Variants in FGF12 observed in about 807,000 individuals in gnomAD.
FGF12 encodes fibroblast growth factor 12B.
A neutral mutation model predicts 23.6 loss-of-function variants in FGF12; 14 were observed. The observed-to-expected ratio is 0.59, with a 90% confidence interval of 0.39 to 0.93. FGF12 has a LOEUF of 0.93. Among genes scored for constraint, FGF12 ranks in the 40% least tolerant of loss-of-function variants. The probability of loss-of-function intolerance (pLI) is 0.00; values close to 1 mark genes in which losing one functional copy is unlikely to be tolerated. For synonymous variants in FGF12, 62 were observed against 77.3 expected (o/e 0.80, Z 1.04); for missense variants, 175 against 217.8 (o/e 0.80, Z 1.24).
intron 4 of FGF12, among the ~76,000 whole-genome samples, chr3:192,196,858 A>AT (rs371298121): frequency 0.016 from 2,420 of 149,166 alleles, 70 homozygotes; most frequent in African/African-American, 0.056. Flanking sequence ...AAAGACAAGT[A>AT]TTTTTTTTTT....
chr3:192,378,026 T>TTTTCTTTCTTTC (rs202170804), intron 2 of FGF12, among the ~76,000 whole-genome samples: 2,129 of 69,182 alleles, frequency 0.031, 93 homozygotes, highest in Middle Eastern at 0.063. Context: ...TGACTCTTTC[T>TTTTCTTTCTTTC]TTTCTTTCTT....
chr3:192,711,615 G>A (rs1718683626), intron 2 of FGF12, among the ~76,000 whole-genome samples: 1 of 152,302 alleles, frequency 6.6e-6, no homozygotes, highest in Non-Finnish European at 1.5e-5. Context: ...AAATTCTTCT[G>A]CCTTGGGATG....
intron 2 of FGF12, among the ~76,000 whole-genome samples, chr3:192,579,867 G>T (rs1053956996): frequency 1.3e-5 from 2 of 152,238 alleles, no homozygotes; most frequent in South Asian, 4.1e-4. Flanking sequence ...ACTGCACCTG[G>T]CCCCACATGT....
intron 4 of FGF12, among the ~76,000 whole-genome samples, chr3:192,264,554 T>C (rs1279494880): frequency 6.6e-6 from 1 of 152,094 alleles, no homozygotes; most frequent in Non-Finnish European, 1.5e-5. Context: ...ATGATTTATT[T>C]TCTTATTTAG....
intron 2 of FGF12, among the ~76,000 whole-genome samples, chr3:192,472,013 G>T (rs1723187087): frequency 6.6e-6 from 1 of 152,078 alleles, no homozygotes; most frequent in African/African-American, 2.4e-5. Context: ...TATTAATTTT[G>T]TTTTTGTTGT....
chr3:192,263,054 ACT>A (rs1369184823), intron 4 of FGF12, among the ~76,000 whole-genome samples: 1 of 151,768 alleles, frequency 6.6e-6, no homozygotes, highest in Non-Finnish European at 1.5e-5. Context: ...TAGCATAAAC[ACT>A]CTGATTCTCT....
chr3:192,332,908 A>G (rs1338055850), intron 4 of FGF12, among the ~76,000 whole-genome samples: 1 of 152,128 alleles, frequency 6.6e-6, no homozygotes, highest in Non-Finnish European at 1.5e-5. Flanking sequence ...GTCAAAGTTA[A>G]CAGATGACTT....
intron 2 of FGF12, among the ~76,000 whole-genome samples, chr3:192,454,178 A>C (rs1172087920): frequency 6.6e-6 from 1 of 152,096 alleles, no homozygotes. Context: ...AGCTGGGACT[A>C]TAGGTGCGTG....
intron 2 of FGF12, among the ~76,000 whole-genome samples, chr3:192,549,873 C>T (rs1201053635): frequency 6.6e-6 from 1 of 152,122 alleles, no homozygotes; most frequent in Non-Finnish European, 1.5e-5. Flanking sequence ...ATTAGCATTC[C>T]TGGTATTCAG....
intron 2 of FGF12, among the ~76,000 whole-genome samples, chr3:192,606,019 GTATA>G (rs751953098): frequency 5.3e-5 from 8 of 152,152 alleles, no homozygotes; most frequent in Non-Finnish European, 1.2e-4. Context: ...CCATTACTGG[GTATA>G]TATTCAAAAG....
chr3:192,711,258 C>CCGTCCGGGAGGGAGGTGGG (rs1560202188), intron 2 of FGF12, among the ~76,000 whole-genome samples: 1 of 133,832 alleles, frequency 7.5e-6, no homozygotes, highest in East Asian at 2.4e-4. Flanking sequence ...AGCCCCTGCC[C>CCGTCCGGGAGGGAGGTGGG]GGCCAGCCGC....
At chr3:192,628,338 A>G (rs991073378) in intron 2 of FGF12, among the ~76,000 whole-genome samples, 2 of 148,888 alleles carry the variant, frequency 1.3e-5, no homozygotes, top group African/African-American at 4.9e-5. Context: ...GTGGGAATAC[A>G]CTTTTGTTTT....
At chr3:192,635,828 T>C (rs1715560312) in intron 2 of FGF12, among the ~76,000 whole-genome samples, 2 of 152,178 alleles carry the variant, frequency 1.3e-5, no homozygotes, top group African/African-American at 2.4e-5. Flanking sequence ...GGATAAGATG[T>C]AGAACTGATT....
At chr3:192,233,130 C>T (rs1421618285) in intron 4 of FGF12, among the ~76,000 whole-genome samples, 1 of 152,176 alleles carries the variant, frequency 6.6e-6, no homozygotes, top group East Asian at 1.9e-4. Flanking sequence ...AATCTCTGGG[C>T]TGCTTCCCAC....
At chr3:192,543,443 C>T (rs1458498028) in intron 2 of FGF12, among the ~76,000 whole-genome samples, 4 of 152,076 alleles carry the variant, frequency 2.6e-5, no homozygotes, top group Non-Finnish European at 4.4e-5. Flanking sequence ...TCCAGAAATG[C>T]CATTCAAGAA....
rs71635379 is a variant in FGF12 at position 192,170,675 on chromosome 3, A to AGAC, written c.229-20_229-19insGTC. On this transcript the variant is annotated intron_variant, in intron 4 of 5. Transcript: ENST00000445105. ...AAACATCCTGTAGGAAAAAAAAAAAAAGACACAAAAAAGAGAAATGATTTA... is the reference window on the plus strand; with the variant it reads ...AAACATCCTGTAGGAAAAAAAAAAAAGACAGACACAAAAAAGAGAAATGATTTA... 5 of 1,492,166 alleles carry AGAC rather than the reference A, an allele frequency of 3.4e-6. No individual in the cohort carries two copies. The African/African-American group carries it at 7.2e-5, about 22-fold the overall frequency. The allele number at this position is 1,492,166 out of a possible 1,614,324, so 92.4% of individuals were successfully genotyped here.
chr3:192,176,627 A>T (rs2108627607), intron 4 of FGF12, among the ~76,000 whole-genome samples: 1 of 152,348 alleles, frequency 6.6e-6, no homozygotes, highest in South Asian at 2.1e-4. Flanking sequence ...TTTCTATTAC[A>T]TTAAACTGGG....
At chr3:192,357,573 C>CA (rs1281701678) in intron 3 of FGF12, among the ~76,000 whole-genome samples, 3,179 of 141,720 alleles carry the variant, frequency 0.022, 107 homozygotes, top group African/African-American at 0.074. Flanking sequence ...GATTCCGTCT[C>CA]AAAAAAAAAA....
intron 2 of FGF12, among the ~76,000 whole-genome samples, chr3:192,681,803 C>A (rs1384814306): frequency 6.6e-6 from 1 of 151,886 alleles, no homozygotes; most frequent in Non-Finnish European, 1.5e-5. Flanking sequence ...TGGCTGAGGT[C>A]ATAAAAATCA....
Sources: gnomAD v4.1 joint callset for allele counts (sites outside exome capture counted in the v4.1 genomes callset) on GRCh38, gnomAD v4.1.1 for gene constraint, MANE v1.5 for transcripts, NCBI Gene and HGNC (gene_info 2026-07-23, HGNC 2026-07-21) for gene names.